NFATC2: variants seen among roughly 807,000 people sequenced by gnomAD.
The protein encoded by NFATC2 is nuclear factor of activated T cells 2.
Under a neutral mutation model 87.3 loss-of-function variants are expected in NFATC2, and 22 were observed. The observed-to-expected ratio is 0.25, with a 90% CI of 0.18 to 0.36. The LOEUF (loss-of-function observed/expected upper bound fraction) is 0.36, where lower values mean the gene tolerates loss of function less well. Ranked by LOEUF, NFATC2 falls within the 10% of genes least tolerant of loss-of-function variation. NFATC2 has a pLI of 1.00. For missense variants in NFATC2, 1,149 were observed against 1,259.1 expected (o/e 0.91, Z 1.32); for synonymous variants, 565 against 542.2 (o/e 1.04, Z -0.58).
upstream of NFATC2, among the ~76,000 whole-genome samples, chr20:51,545,665 G>C (rs1170247923): frequency 6.6e-6 from 1 of 152,150 alleles, no homozygotes; most frequent in East Asian, 1.9e-4. Context: ...ATGGAAGATG[G>C]ATGCATGGAT....
chr20:51,396,034 GTATGTATATATATATATA>G lies in NFATC2; in HGVS notation c.*44+2591_*44+2608del, dbSNP rs1454898152. On this transcript the variant is annotated intron_variant, in intron 10 of 10. Coordinates refer to ENST00000371564, the MANE Select transcript of NFATC2 (RefSeq NM_012340.5). ...AAGAGCTGTAGTTTGTCAGCTCCTA[GTATGTATATATATATATA>G]TATATATATATATATATATATATAT... Among the ~76,000 whole-genome samples the G allele has an allele frequency of 8.3e-4, 105 of 126,510 alleles. 1 individual carries two copies. The highest frequency in any genetic ancestry group is 2.0e-3 in the African/African-American group (71 of 35,502). 83.0% of individuals were successfully genotyped at this position (126,510 alleles called of 152,430 possible). A position where few individuals can be genotyped will look rare whatever the true frequency, so the allele number is the denominator to read the frequency against.
At chr20:51,493,575 C>T (rs1195353480) in intron 3 of NFATC2, among the ~76,000 whole-genome samples, 1 of 152,210 alleles carries the variant, frequency 6.6e-6, no homozygotes, top group Non-Finnish European at 1.5e-5. Flanking sequence ...CTATGAGTCT[C>T]ACTCACCGGG....
At chr20:51,475,381 C>A in intron 4 of NFATC2, 77 bp downstream of exon 4, 1 of 1,413,892 alleles carries the variant, frequency 7.1e-7, no homozygotes, top group Non-Finnish European at 1.0e-6. Flanking sequence ...TGTAGAGTCC[C>A]CTCTCCCAAA....
intron 1 of NFATC2, among the ~76,000 whole-genome samples, chr20:51,529,790 C>A (rs1359237631): frequency 6.6e-6 from 1 of 151,952 alleles, no homozygotes; most frequent in Non-Finnish European, 1.5e-5. Flanking sequence ...TACACCACTA[C>A]TGCAGATGGA....
Position 51,422,428 on chromosome 20 carries a change from A to G in NFATC2, c.2722+9639T>C, listed in dbSNP as rs939026564. The stretch of plus-strand genomic sequence containing the variant: ...AAGATTCTTGACACTCTGGATGGGC[A>G]AAACAGGCCCCAGCCCTGCGTCTAT... On this transcript the variant is annotated intron_variant, in intron 9 of 10. Transcript: ENST00000371564. Among the ~76,000 whole-genome samples, 7 of 152,284 alleles carry G rather than the reference A, an allele frequency of 4.6e-5. No individual in the cohort carries two copies. The East Asian group carries it at 9.6e-4, about 21-fold the overall frequency.
At position 51,524,183 on chromosome 20, in the gene NFATC2, G is replaced by T; in HGVS notation, c.131-73C>A. 7.6e-7 allele frequency: 1 copy of T among 1,308,398 alleles called. No individual in the cohort carries two copies. 81.0% of individuals were successfully genotyped at this position (1,308,398 alleles called of 1,614,324 possible). On this transcript the variant is annotated intron_variant, in intron 1 of 10. Transcript: ENST00000371564. The surrounding 1 kb of genome is among the most constrained non-coding windows in gnomAD (Gnocchi z 4.0). ...AACTCCCGGTGCAGAGCAATCACAG[G>T]CTGGATTTCGTCTCACGTCGTTTAT...
chr20:51,561,347 G>GAA (rs755835542), intron 1 of NFATC2, among the ~76,000 whole-genome samples: 1,698 of 131,988 alleles, frequency 0.013, 93 homozygotes, highest in African/African-American at 0.048. Context: ...AAGAAAGAAA[G>GAA]AGAGAGAAAG....
At chr20:51,408,849 C>T (rs1322942598) in intron 9 of NFATC2, among the ~76,000 whole-genome samples, 2 of 152,182 alleles carry the variant, frequency 1.3e-5, no homozygotes, top group Non-Finnish European at 1.5e-5. Flanking sequence ...TGTAAAAGCA[C>T]AGACTGTGGG....
chr20:51,458,333 A>G (rs1166235707), intron 5 of NFATC2, among the ~76,000 whole-genome samples: 1 of 152,242 alleles, frequency 6.6e-6, no homozygotes, highest in East Asian at 1.9e-4. Flanking sequence ...ATCAGATGCC[A>G]GGAGCACCCT....
At chr20:51,454,427 G>A in intron 6 of NFATC2, 121 bp downstream of exon 6, 1 of 987,728 alleles carries the variant, frequency 1.0e-6, no homozygotes. Flanking sequence ...TGAGTAAAAA[G>A]AGCAGGGTAT....
chr20:51,396,093 TAA>T (rs1987091183), intron 10 of NFATC2, among the ~76,000 whole-genome samples: 4 of 129,398 alleles, frequency 3.1e-5, no homozygotes, highest in Non-Finnish European at 6.6e-5. Context: ...TATATATATA[TAA>T]GCTAATGGCA....
At chr20:51,491,268 A>G (rs1444598786) in intron 3 of NFATC2, among the ~76,000 whole-genome samples, 4 of 152,002 alleles carry the variant, frequency 2.6e-5, no homozygotes, top group Admixed American at 6.5e-5. Context: ...TTCCACATGC[A>G]TAAAATGGAC....
intron 3 of NFATC2, among the ~76,000 whole-genome samples, chr20:51,515,058 G>C (rs995891235): frequency 3.3e-5 from 5 of 152,176 alleles, no homozygotes; most frequent in African/African-American, 1.2e-4. Context: ...CAGTGGTCCC[G>C]CTGTGCTGAG....
At chr20:51,433,070 G>A (rs561604613) in intron 8 of NFATC2, among the ~76,000 whole-genome samples, 3 of 152,282 alleles carry the variant, frequency 2.0e-5, no homozygotes, top group African/African-American at 7.2e-5. Context: ...GAGAATGCTT[G>A]ATTTCAGATG....
In NFATC2 at chr20:51,542,483, C is replaced by A; in HGVS notation, c.17G>T (p.Arg6Leu). The A allele has an allele frequency of 6.5e-7, 1 of 1,527,514 alleles. No homozygotes were observed. Among genetic ancestry groups the A allele is most frequent in the South Asian group, 1.2e-5 (1 of 80,724 alleles). 94.6% of individuals were successfully genotyped at this position (1,527,514 alleles called of 1,614,324 possible). Residue 6 changes from arginine (R) to leucine (L), a missense_variant, in exon 1 of 11, where the codon CGG (arginine) becomes CTG (leucine). Physicochemically the swap from Arg to Leu is moderately radical, Grantham distance 102. Transcript: ENST00000371564. Reference sequence around the variant, plus strand: ...GTCCCCGCCGTCGGGTTGGGGCTGCCGCTCGGGGGCGTTCATGGCGCGCAG... The same window carrying A: ...GTCCCCGCCGTCGGGTTGGGGCTGCAGCTCGGGGGCGTTCATGGCGCGCAG... Reference protein sequence around the residue: MNAPERQPQPDGGDAP... With the variant: MNAPELQPQPDGGDAP...
chr20:51,526,523 G>A (rs2076548537), intron 1 of NFATC2, among the ~76,000 whole-genome samples: 1 of 152,174 alleles, frequency 6.6e-6, no homozygotes, highest in Non-Finnish European at 1.5e-5. Context: ...CCTACCACAG[G>A]GCCTGGCACT....
intron 4 of NFATC2, 89 bp from the exon 5 acceptor site, chr20:51,474,241 C>G (rs1600818555): frequency 1.4e-6 from 2 of 1,478,566 alleles, no homozygotes; most frequent in East Asian, 4.6e-5. Flanking sequence ...CAGCCAGTCA[C>G]TGGGGGAAAC....
At position 51,542,533 on chromosome 20, in the gene NFATC2, G is replaced by A. The variant is rs1296449688; in HGVS notation, c.-34C>T. On this transcript the variant is annotated 5_prime_UTR_variant, in exon 1 of 11. Transcript: ENST00000371564. ...GGGCGGGAAGGCTGCGGGGCCGGGG[G>A]CGAGGGCGGGCGCGGCTGGCTCTGG... The A allele has an allele frequency of 3.7e-6, 5 of 1,353,760 alleles. No individual in the cohort carries two copies. The highest frequency in any genetic ancestry group is 2.8e-6 in the Non-Finnish European group (3 of 1,054,998). The allele number at this position is 1,353,760 out of a possible 1,614,324, so 83.9% of individuals were successfully genotyped here. A position where few individuals can be genotyped will look rare whatever the true frequency, so the allele number is the denominator to read the frequency against.
Position 51,432,644 on chromosome 20 carries a change from G to T in NFATC2, c.2145C>A (p.Ala715=). 1 of 1,540,416 alleles carries T rather than the reference G, an allele frequency of 6.5e-7. No homozygotes were observed. ...QPYYPQHPMV[A]ESPSCLVATM... is the part of the protein sequence containing the mutation. ...TGGCCACGAGGCAGGAGGGGGACTC[G>T]GCCACCATCGGGTGCTGGGGGTAGT... is the stretch of plus-strand genomic sequence containing the variant. The change falls in exon 9 of 11, where the codon GCC becomes GCA. Residue 715 remains alanine (A), a synonymous_variant. Coordinates refer to ENST00000371564, the MANE Select transcript of NFATC2 (RefSeq NM_012340.5). This position sits in a 1 kb window ranked among gnomAD's most constrained non-coding sequence, Gnocchi z 4.6.
Sources: allele counts gnomAD v4.1 joint callset (sites outside exome capture counted in the v4.1 genomes callset), GRCh38; gene constraint gnomAD v4.1.1; non-coding constraint Gnocchi (gnomAD v3.1); transcripts MANE v1.5; gene names NCBI Gene and HGNC (gene_info 2026-07-23, HGNC 2026-07-21).